EDIL3: variants seen among roughly 807,000 people sequenced by gnomAD.
EDIL3 encodes the protein EGF like and discoidin domains 3.
A neutral mutation model predicts 67.4 loss-of-function variants in EDIL3; 37 were observed. That is an observed-to-expected ratio of 0.55 (90% CI 0.42 to 0.72). The LOEUF is 0.72. Among genes scored for constraint, EDIL3 ranks in the 30% least tolerant of loss-of-function variants. The probability of loss-of-function intolerance (pLI) is 0.00; values close to 1 mark genes in which losing one functional copy is unlikely to be tolerated. For missense variants in EDIL3, 527 were observed against 586.3 expected, an observed-to-expected ratio of 0.90 and a Z score of 1.04; for synonymous variants, 195 against 196.3, an observed-to-expected ratio of 0.99 and a Z score of 0.05.
intron 6 of EDIL3, among the ~76,000 whole-genome samples, chr5:84,087,093 T>A (rs73136209): frequency 2.0e-3 from 298 of 152,344 alleles, no homozygotes; most frequent in African/African-American, 7.0e-3. Flanking sequence ...GGAAATATAT[T>A]TAGCTAATAA....
Position 84,106,697 on chromosome 5 carries a change from A to C in EDIL3, c.603T>G (p.Leu201=). The C allele has an allele frequency of 6.2e-7, 1 of 1,612,242 alleles. No individual in the cohort carries two copies. Among genetic ancestry groups the C allele is most frequent in the Non-Finnish European group, 8.5e-7 (1 of 1,179,198 alleles). Residue 201 remains leucine, a synonymous_variant, in exon 6 of 11, where the codon CTT becomes CTG. Transcript: ENST00000296591. ...TTTCTGCAGCTGTCCACGCATTTAT[A>C]AGCCCCTTCTTATTAAGACGTGCAT... The part of the protein sequence containing the change: ...PYYARLNKKG[L]INAWTAAEND...
At chr5:84,053,126 A>C (rs1414206023) in intron 9 of EDIL3, among the ~76,000 whole-genome samples, 3 of 152,248 alleles carry the variant, frequency 2.0e-5, no homozygotes, top group African/African-American at 2.4e-5. Context: ...CCACAGTGCA[A>C]TCAAACTAGA....
At chr5:84,273,930 T>C (rs1745523545) in intron 1 of EDIL3, among the ~76,000 whole-genome samples, 1 of 152,134 alleles carries the variant, frequency 6.6e-6, no homozygotes, top group Non-Finnish European at 1.5e-5. Context: ...TTAATATTCT[T>C]CCCAGTGTGT....
chr5:84,113,270 G>A (rs1747605674), intron 5 of EDIL3, among the ~76,000 whole-genome samples: 1 of 152,074 alleles, frequency 6.6e-6, no homozygotes, highest in Non-Finnish European at 1.5e-5. Context: ...GCTTGCTTTT[G>A]TCAGGTACGA....
chr5:83,952,096 G>A (rs1744433166), intron 10 of EDIL3, among the ~76,000 whole-genome samples: 2 of 151,720 alleles, frequency 1.3e-5, no homozygotes, highest in Admixed American at 1.3e-4. Context: ...TGGAGAGCTG[G>A]TAGCTCTTTA....
chr5:84,382,794 T>C (rs1014324502), intron 1 of EDIL3, among the ~76,000 whole-genome samples: 7 of 152,122 alleles, frequency 4.6e-5, no homozygotes, highest in African/African-American at 1.7e-4. Context: ...CTTTGCCTAT[T>C]AACTGGAAGG....
chr5:84,087,771 A>G (rs1347513258), intron 6 of EDIL3, among the ~76,000 whole-genome samples: 1 of 152,198 alleles, frequency 6.6e-6, no homozygotes, highest in Non-Finnish European at 1.5e-5. Context: ...GTGAAAATAT[A>G]TATTAGAATG....
At chr5:84,382,410 G>T (rs1377344183) in intron 1 of EDIL3, among the ~76,000 whole-genome samples, 1 of 151,398 alleles carries the variant, frequency 6.6e-6, no homozygotes, top group East Asian at 1.9e-4. Flanking sequence ...ACCCAGCCAG[G>T]CAAGCGCGGC....
chr5:84,283,087 G>A (rs1745736052), intron 1 of EDIL3, among the ~76,000 whole-genome samples: 1 of 151,758 alleles, frequency 6.6e-6, no homozygotes, highest in African/African-American at 2.4e-5. Context: ...AGCTGGTAAA[G>A]TTTATATTGG....
chr5:84,034,849 C>G (rs954225978), intron 9 of EDIL3, among the ~76,000 whole-genome samples: 1 of 152,100 alleles, frequency 6.6e-6, no homozygotes, highest in Non-Finnish European at 1.5e-5. Flanking sequence ...CTGGGAGATA[C>G]GTTTTCTCTA....
At chr5:84,299,224 A>G (rs1406039188) in intron 1 of EDIL3, among the ~76,000 whole-genome samples, 2 of 152,144 alleles carry the variant, frequency 1.3e-5, no homozygotes, top group Non-Finnish European at 1.5e-5. Flanking sequence ...AGATAGTGGT[A>G]TATACACATT....
At chr5:84,319,494 C>CAAAAAAA (rs55738450) in intron 1 of EDIL3, among the ~76,000 whole-genome samples, 130 of 42,794 alleles carry the variant, frequency 3.0e-3, no homozygotes, top group East Asian at 5.6e-3. Flanking sequence ...CAAAAAACAA[C>CAAAAAAA]AAAAAAAAAA....
intron 1 of EDIL3, among the ~76,000 whole-genome samples, chr5:84,297,247 A>C (rs1194672730): frequency 6.6e-6 from 1 of 151,788 alleles, no homozygotes; most frequent in Non-Finnish European, 1.5e-5. Flanking sequence ...TTTTCTAAAG[A>C]GGACATATAT....
intron 1 of EDIL3, among the ~76,000 whole-genome samples, chr5:84,268,059 C>T (rs1745385644): frequency 6.6e-6 from 1 of 152,126 alleles, no homozygotes; most frequent in Non-Finnish European, 1.5e-5. Flanking sequence ...ATTGCTTGAA[C>T]CCGGGAGGCA....
At chr5:84,331,304 G>A (rs952531226) in intron 1 of EDIL3, among the ~76,000 whole-genome samples, 1 of 152,150 alleles carries the variant, frequency 6.6e-6, no homozygotes, top group South Asian at 2.1e-4. Context: ...AGATTTGGGA[G>A]GGGCCCAGGG....
At chr5:84,145,880 A>AT in intron 4 of EDIL3, among the ~76,000 whole-genome samples, 1 of 151,932 alleles carries the variant, frequency 6.6e-6, no homozygotes, top group African/African-American at 2.4e-5. Flanking sequence ...ATTTCTCCCT[A>AT]TTTTTTCTTC....
chr5:84,125,221 GT>G (rs1747847313), intron 5 of EDIL3, among the ~76,000 whole-genome samples: 1 of 151,934 alleles, frequency 6.6e-6, no homozygotes, highest in South Asian at 2.1e-4. Context: ...GAATGGGTCT[GT>G]TTTCTTGGAA....
At chr5:84,268,316 T>C (rs1479462568) in intron 1 of EDIL3, among the ~76,000 whole-genome samples, 1 of 152,144 alleles carries the variant, frequency 6.6e-6, no homozygotes, top group African/African-American at 2.4e-5. Context: ...TGAATGATAC[T>C]TTAAGCAACA....
At chr5:84,303,816 G>C (rs867020585) in intron 1 of EDIL3, among the ~76,000 whole-genome samples, 13,392 of 114,692 alleles carry the variant, frequency 0.12, 622 homozygotes, top group South Asian at 0.17. Flanking sequence ...CTCTGTGTGT[G>C]TGTGTGTGTG....
Sources: gnomAD v4.1 joint callset for allele counts (sites outside exome capture counted in the v4.1 genomes callset) on GRCh38, gnomAD v4.1.1 for gene constraint, MANE v1.5 for transcripts, NCBI Gene and HGNC (gene_info 2026-07-23, HGNC 2026-07-21) for gene names.